Variants in C12orf42 observed in about 807,000 individuals in gnomAD.
The protein encoded by C12orf42 is chromosome 12 open reading frame 42.
Under a neutral mutation model 21.6 loss-of-function variants are expected in C12orf42, and 25 were observed. The ratio of observed to expected loss-of-function variants is 1.16; its 90% CI spans 0.84 to 1.62. The LOEUF (loss-of-function observed/expected upper bound fraction) is 1.62. Among genes scored for constraint, C12orf42 ranks in the 40% most tolerant of loss-of-function variants. C12orf42 has a pLI of 0.00. For synonymous variants in C12orf42, 174 were observed against 175.0 expected, an observed-to-expected ratio of 0.99 and a Z score of 0.05; for missense variants, 483 against 459.3, an observed-to-expected ratio of 1.05 and a Z score of -0.47.
At chr12:103,246,446 AT>A (rs2034013309) in intron 10 of C12orf42, among the ~76,000 whole-genome samples, 1 of 152,036 alleles carries the variant, frequency 6.6e-6, no homozygotes, top group South Asian at 2.1e-4. Flanking sequence ...GATTTAAAGG[AT>A]TTGGAAGAAT....
intron 5 of C12orf42, among the ~76,000 whole-genome samples, chr12:103,303,637 T>C (rs2037979290): frequency 6.6e-6 from 1 of 152,326 alleles, no homozygotes; most frequent in East Asian, 1.9e-4. Context: ...CAGTGTATCT[T>C]TACGTAATTC....
chr12:103,379,435 T>C (rs770246466), intron 3 of C12orf42, among the ~76,000 whole-genome samples: 1 of 152,056 alleles, frequency 6.6e-6, no homozygotes, highest in Non-Finnish European at 1.5e-5. Flanking sequence ...AACTATGTGC[T>C]CTAAGGTGTC....
chr12:103,266,120 C>G (rs1303491853), downstream of C12orf42, among the ~76,000 whole-genome samples: 1 of 152,100 alleles, frequency 6.6e-6, no homozygotes, highest in Non-Finnish European at 1.5e-5. Flanking sequence ...TTAGCCTCCT[C>G]AAATGCTTCT....
chr12:103,525,852 AC>A, the C12orf42 span, among the ~76,000 whole-genome samples: 1 of 152,100 alleles, frequency 6.6e-6, no homozygotes, highest in African/African-American at 2.4e-5. Context: ...ACAAGGTGAA[AC>A]CCCATCTCTA....
At chr12:103,120,126 GA>G in the C12orf42 span, among the ~76,000 whole-genome samples, 1 of 152,194 alleles carries the variant, frequency 6.6e-6, no homozygotes, top group African/African-American at 2.4e-5. Context: ...GCTATGTGGT[GA>G]GCACTGTATT....
At chr12:103,089,311 A>G in the C12orf42 span, among the ~76,000 whole-genome samples, 3 of 152,110 alleles carry the variant, frequency 2.0e-5, no homozygotes, top group Admixed American at 1.3e-4. Flanking sequence ...ATTTTTTAAA[A>G]GAAAATGTAT....
At chr12:103,372,704 G>T (rs2045361583) in intron 3 of C12orf42, among the ~76,000 whole-genome samples, 1 of 152,030 alleles carries the variant, frequency 6.6e-6, no homozygotes, top group Non-Finnish European at 1.5e-5. Flanking sequence ...CCATCTCACA[G>T]GACTCTCTCC....
At chr12:103,436,243 T>C (rs1035705213) in intron 2 of C12orf42, among the ~76,000 whole-genome samples, 4 of 150,220 alleles carry the variant, frequency 2.7e-5, no homozygotes, top group African/African-American at 9.8e-5. Flanking sequence ...AAAGAGCTCC[T>C]GAAGGAAGCG....
At chr12:103,148,273 A>C in the C12orf42 span, among the ~76,000 whole-genome samples, 21 of 152,140 alleles carry the variant, frequency 1.4e-4, no homozygotes, top group African/African-American at 4.8e-4. Context: ...AAAGATCACT[A>C]TTATATTTCT....
At chr12:103,441,417 A>G (rs955602511) in intron 2 of C12orf42, 2 of 152,182 alleles carry the variant, frequency 1.3e-5, no homozygotes, top group African/African-American at 4.8e-5. Context: ...AACAATTTCA[A>G]ACTGGCCTAT....
downstream of C12orf42, among the ~76,000 whole-genome samples, chr12:103,236,619 C>A (rs1593185081): frequency 6.6e-6 from 1 of 152,148 alleles, no homozygotes; most frequent in Admixed American, 6.5e-5. Flanking sequence ...TCATTTCTTT[C>A]TCAGAATATT....
intron 4 of C12orf42, among the ~76,000 whole-genome samples, chr12:103,283,721 C>T (rs1209120555): frequency 6.6e-6 from 1 of 152,230 alleles, no homozygotes; most frequent in Admixed American, 6.5e-5. Context: ...CTCCCACCCA[C>T]TGGCACAAAG....
chr12:103,263,897 T>C (rs1167434453), downstream of C12orf42, among the ~76,000 whole-genome samples: 1 of 152,144 alleles, frequency 6.6e-6, no homozygotes, highest in Non-Finnish European at 1.5e-5. Flanking sequence ...ACTTATGTGC[T>C]TTAACTGGAA....
intron 2 of C12orf42, among the ~76,000 whole-genome samples, chr12:103,455,902 G>A (rs930126035): frequency 5.3e-5 from 8 of 152,044 alleles, no homozygotes; most frequent in Admixed American, 2.0e-4. Context: ...TTCTTCCTGA[G>A]AATCAGATTC....
intron 3 of C12orf42, among the ~76,000 whole-genome samples, chr12:103,401,311 G>A (rs2047970192): frequency 6.6e-6 from 1 of 152,138 alleles, no homozygotes; most frequent in Non-Finnish European, 1.5e-5. Flanking sequence ...TACAGGCACT[G>A]CAAAGACCCC....
chr12:103,294,251 T>C (rs2037001178), intron 4 of C12orf42, among the ~76,000 whole-genome samples: 1 of 151,606 alleles, frequency 6.6e-6, no homozygotes, highest in Non-Finnish European at 1.5e-5. Context: ...TCTCAATATC[T>C]GTCAATATCA....
intron 2 of C12orf42, among the ~76,000 whole-genome samples, chr12:103,461,616 T>C (rs77681781): frequency 0.015 from 2,237 of 152,312 alleles, 71 homozygotes; most frequent in African/African-American, 0.05. Flanking sequence ...AGTACTGATA[T>C]AGGAATCTAG....
the C12orf42 span, among the ~76,000 whole-genome samples, chr12:103,228,310 C>T: frequency 6.6e-6 from 1 of 151,628 alleles, no homozygotes; most frequent in African/African-American, 2.4e-5. Context: ...GTGGGGGTCG[C>T]AAGGTGCTCA....
chr12:103,162,174 T>C, the C12orf42 span, among the ~76,000 whole-genome samples: 148 of 152,266 alleles, frequency 9.7e-4, 5 homozygotes, highest in South Asian at 0.03. Context: ...TTGTCCTATG[T>C]CCCTTGAGAG....
Sources: gnomAD v4.1 joint callset for allele counts (sites outside exome capture counted in the v4.1 genomes callset) on GRCh38, gnomAD v4.1.1 for gene constraint, MANE v1.5 for transcripts, NCBI Gene and HGNC (gene_info 2026-07-23, HGNC 2026-07-21) for gene names.